The following BST1 variants were observed in gnomAD, a reference collection of about 807,000 sequenced individuals.
BST1 encodes bone marrow stromal cell antigen 1.
BST1 carries 49 observed loss-of-function variants against 40.6 expected under a neutral mutation model. The ratio of observed to expected loss-of-function variants is 1.21; its 90% CI spans 0.96 to 1.53. The LOEUF (loss-of-function observed/expected upper bound fraction) is 1.53. Among genes scored for constraint, BST1 ranks in the 40% most tolerant of loss-of-function variants. The pLI is 0.00. For missense variants in BST1, 423 were observed against 395.9 expected (o/e 1.07, Z -0.58); for synonymous variants, 157 against 159.3 (o/e 0.99, Z 0.11).
the BST1 span, among the ~76,000 whole-genome samples, chr4:15,764,632 T>C: frequency 2.0e-4 from 30 of 152,046 alleles, 1 homozygote; most frequent in African/African-American, 6.8e-4. Context: ...TTAAGAAATA[T>C]ATATATTCAG....
the BST1 span, among the ~76,000 whole-genome samples, chr4:15,768,287 G>A: frequency 6.6e-6 from 1 of 152,102 alleles, no homozygotes; most frequent in South Asian, 2.1e-4. Flanking sequence ...TAAACAATGC[G>A]CTAAATGTGA....
In BST1 at chr4:15,722,904, A is replaced by G. The variant is rs763059883; in HGVS notation, c.821A>G (p.His274Arg). 5 of 1,613,916 alleles carry G rather than the reference A, an allele frequency of 3.1e-6. No homozygotes were observed. The highest frequency in any genetic ancestry group is 1.1e-5 in the South Asian group (1 of 91,036). The change falls in exon 8 of 9, where the codon CAC becomes CGC. Residue 274 changes from histidine to arginine, a missense_variant. Coordinates refer to ENST00000265016, the MANE Select transcript of BST1 (RefSeq NM_004334.3). ...GTGAAGCTCTTACAGTGCGTGGACC[A>G]CAGCACCCATCCTGACTGTGCCTTA... ...RPVKLLQCVD[H>R]STHPDCALKS... is the part of the protein sequence containing the mutation.
chr4:15,769,257 T>C, the BST1 span, among the ~76,000 whole-genome samples: 1 of 152,238 alleles, frequency 6.6e-6, no homozygotes, highest in Non-Finnish European at 1.5e-5. Flanking sequence ...GAGTTTGAAC[T>C]GTGGGAGAAG....
At chr4:15,764,885 T>TGTGTGTGGGTGG in the BST1 span, among the ~76,000 whole-genome samples, 2 of 151,498 alleles carry the variant, frequency 1.3e-5, no homozygotes, top group African/African-American at 4.9e-5. Flanking sequence ...TGTGTGTGTG[T>TGTGTGTGGGTGG]GTGTGTGTGT....
chr4:15,719,629 G>T (rs533787491), intron 7 of BST1, among the ~76,000 whole-genome samples: 1 of 152,168 alleles, frequency 6.6e-6, no homozygotes, highest in Non-Finnish European at 1.5e-5. Context: ...GATTCTGCAA[G>T]GGGCTGGAAT....
chr4:15,761,776 C>T, the BST1 span, among the ~76,000 whole-genome samples: 1 of 151,920 alleles, frequency 6.6e-6, no homozygotes, highest in African/African-American at 2.4e-5. Flanking sequence ...ATTCCTGGAA[C>T]CCAGCCCACA....
intron 1 of BST1, among the ~76,000 whole-genome samples, chr4:15,703,992 G>C (rs866250691): frequency 7.2e-6 from 1 of 138,274 alleles, no homozygotes; most frequent in Non-Finnish European, 1.6e-5. Flanking sequence ...GAGGTGAGAT[G>C]TGTGTGTGTG....
At chr4:15,715,643 T>A in intron 5 of BST1, 64 bp from the exon 6 acceptor site, 1 of 1,171,534 alleles carries the variant, frequency 8.5e-7, no homozygotes, top group African/African-American at 1.6e-5. Context: ...AGGTAATGTG[T>A]AAATTAACAA....
At chr4:15,737,370 C>T (rs191395533), downstream of BST1, among the ~76,000 whole-genome samples, 427 of 152,284 alleles carry the variant, frequency 2.8e-3, 3 homozygotes, top group Middle Eastern at 6.8e-3. Context: ...CTCTTATTAT[C>T]CTATTTTACA....
the BST1 span, among the ~76,000 whole-genome samples, chr4:15,768,708 G>C: frequency 2.0e-5 from 3 of 151,884 alleles, no homozygotes; most frequent in Non-Finnish European, 4.4e-5. Context: ...TCGTTAGCCA[G>C]GATGGTCTCG....
the BST1 span, among the ~76,000 whole-genome samples, chr4:15,744,117 A>G: frequency 6.6e-6 from 1 of 152,328 alleles, no homozygotes; most frequent in East Asian, 1.9e-4. Context: ...TGAGGAAGAA[A>G]GAAGACTTAC....
At chr4:15,734,285 G>A (rs1479666027), downstream of BST1, among the ~76,000 whole-genome samples, 4 of 152,128 alleles carry the variant, frequency 2.6e-5, no homozygotes, top group Admixed American at 1.3e-4. Flanking sequence ...GTGATTGCAT[G>A]AATCCAAGTG....
At chr4:15,769,858 T>TA in the BST1 span, among the ~76,000 whole-genome samples, 1 of 152,028 alleles carries the variant, frequency 6.6e-6, no homozygotes, top group Non-Finnish European at 1.5e-5. Context: ...GTTTTTTTTT[T>TA]AAAGACAATC....
chr4:15,715,694 A>G lies in BST1; in HGVS notation c.612-13A>G. The G allele has an allele frequency of 6.4e-7, 1 of 1,550,440 alleles. No homozygotes were observed. Among genetic ancestry groups the G allele is most frequent in the African/African-American group, 1.4e-5 (1 of 72,796 alleles). ...TATCATATTGCTTTAGGGCTTCAAG[A>G]AATGTTTCTCAGTTTTTTTGCAGAT... On this transcript the variant is annotated splice_polypyrimidine_tract_variant and intron_variant, in intron 5 of 8. Coordinates refer to ENST00000265016, the MANE Select transcript of BST1 (RefSeq NM_004334.3).
chr4:15,732,137 T>C lies in BST1; in HGVS notation c.*292T>C. On this transcript the variant is annotated 3_prime_UTR_variant, in exon 9 of 9. Coordinates refer to ENST00000265016, the MANE Select transcript of BST1 (RefSeq NM_004334.3). ...CAGACTGCTTGTATATTATCAAACATTTTAAGAGAATTCTAATAAAGCTGT... is the reference window on the plus strand; with the variant it reads ...CAGACTGCTTGTATATTATCAAACACTTTAAGAGAATTCTAATAAAGCTGT... 8.0e-6 allele frequency: 9 copies of C among 1,129,882 alleles called. No individual in the cohort carries two copies. Among genetic ancestry groups the C allele is most frequent in the Non-Finnish European group, 9.8e-6 (9 of 920,366 alleles). 70.0% of individuals were successfully genotyped at this position (1,129,882 alleles called of 1,614,324 possible). A position where few individuals can be genotyped will look rare whatever the true frequency, so the allele number is the denominator to read the frequency against.
At chr4:15,708,267 A>G (rs1006236503) in intron 3 of BST1, among the ~76,000 whole-genome samples, 2 of 152,158 alleles carry the variant, frequency 1.3e-5, no homozygotes, top group Non-Finnish European at 1.5e-5. Context: ...TCCAAGTCAC[A>G]AGGAAAGTTA....
In BST1 at chr4:15,705,692, A is replaced by G. The variant is rs763116819; in HGVS notation, c.315+51A>G. ...AACTGTGTTCTCTGTCTCTACAGAAATGGATGGTGCATGGGCCAGGTTGAC... is the reference window on the plus strand; with the variant it reads ...AACTGTGTTCTCTGTCTCTACAGAAGTGGATGGTGCATGGGCCAGGTTGAC... On this transcript the variant is annotated intron_variant, in intron 2 of 8. Transcript: ENST00000265016. 15 of 1,602,458 alleles carry G rather than the reference A, an allele frequency of 9.4e-6. No individual in the cohort carries two copies. In the South Asian group the frequency reaches 1.5e-4, roughly 16 times the overall value.
intron 2 of BST1, 120 bp downstream of exon 2, chr4:15,705,761 C>A: frequency 1.5e-6 from 2 of 1,335,026 alleles, no homozygotes; most frequent in Non-Finnish European, 2.1e-6. Flanking sequence ...AAACATCAGG[C>A]AGCACACATA....
intron 7 of BST1, among the ~76,000 whole-genome samples, chr4:15,721,331 T>C (rs1323584966): frequency 2.0e-5 from 3 of 152,198 alleles, no homozygotes; most frequent in African/African-American, 7.2e-5. Context: ...ATGGCCTCCC[T>C]TACCTTCTGG....
Sources: allele counts gnomAD v4.1 joint callset (sites outside exome capture counted in the v4.1 genomes callset), GRCh38; gene constraint gnomAD v4.1.1; transcripts MANE v1.5; gene names NCBI Gene and HGNC (gene_info 2026-07-23, HGNC 2026-07-21).